The following RARB variants were observed in gnomAD, a reference collection of about 807,000 sequenced individuals.
RARB encodes HBV-activated protein.
In RARB, 17 loss-of-function variants were observed where a neutral mutation model predicts 51.9. The ratio of observed to expected loss-of-function variants is 0.33; its 90% CI spans 0.22 to 0.49. The LOEUF (loss-of-function observed/expected upper bound fraction) is 0.49, where lower values mean the gene tolerates loss of function less well. Ranked by LOEUF, RARB falls within the 20% of genes least tolerant of loss-of-function variation. The pLI is 0.99. For missense variants in RARB, 369 were observed against 550.8 expected, an observed-to-expected ratio of 0.67 and a Z score of 3.30; for synonymous variants, 215 against 195.4, an observed-to-expected ratio of 1.10 and a Z score of -0.84.
intron 1 of RARB, among the ~76,000 whole-genome samples, chr3:25,449,198 C>A (rs548778926): frequency 6.6e-6 from 1 of 151,970 alleles, no homozygotes; most frequent in Non-Finnish European, 1.5e-5. Context: ...AGCCACACGC[C>A]GTTGGACTGC....
At chr3:24,866,536 G>A (rs1272596029) in intron 2 of RARB, among the ~76,000 whole-genome samples, 2 of 152,074 alleles carry the variant, frequency 1.3e-5, no homozygotes, top group South Asian at 4.1e-4. Flanking sequence ...AGGCTTCGTG[G>A]GGGGAATGGG....
intron 3 of RARB, among the ~76,000 whole-genome samples, chr3:25,082,791 G>A (rs756462555): frequency 2.6e-5 from 4 of 151,896 alleles, no homozygotes; most frequent in Non-Finnish European, 5.9e-5. Flanking sequence ...TTTCTCTGCT[G>A]TTTCCAATAA....
chr3:25,551,127 A>G (rs191292090), intron 3 of RARB, among the ~76,000 whole-genome samples: 2 of 152,222 alleles, frequency 1.3e-5, no homozygotes, highest in East Asian at 3.9e-4. Context: ...TTAGCAGAGT[A>G]GTTAGGATGG....
rs117201599 is a variant in RARB at position 25,121,924 on chromosome 3, A to G, written c.-327-10237A>G. On this transcript the variant is annotated intron_variant, in intron 3 of 11. Transcript: ENST00000383772. ...GTCACGTTCTTCTACTTTCTTCCTC[A>G]TTCTTCCTTGTATATCTTAGTTCAG... 4.3e-3 allele frequency among the ~76,000 whole-genome samples: 653 copies of G among 152,186 alleles called. 9 individuals carry two copies. The highest frequency in any genetic ancestry group is 0.024 in the East Asian group (126 of 5,162).
intron 5 of RARB, among the ~76,000 whole-genome samples, chr3:25,320,490 T>A (rs372310955): frequency 6.6e-6 from 1 of 152,200 alleles, no homozygotes; most frequent in African/African-American, 2.4e-5. Context: ...GAGAGGCCTG[T>A]CTGCCCTGAC....
chr3:25,176,939 A>G (rs894857788), intron 5 of RARB, among the ~76,000 whole-genome samples: 1 of 152,198 alleles, frequency 6.6e-6, no homozygotes, highest in African/African-American at 2.4e-5. Context: ...GAGGGTTTGA[A>G]GTTCAAAAAA....
intron 2 of RARB, among the ~76,000 whole-genome samples, chr3:24,961,897 C>T (rs759964471): frequency 3.4e-5 from 5 of 147,778 alleles, no homozygotes; most frequent in Non-Finnish European, 4.5e-5. Context: ...GCCATACAAA[C>T]CTTAGTGTTC....
chr3:25,191,184 G>A (rs1701095502), intron 5 of RARB, among the ~76,000 whole-genome samples: 1 of 152,068 alleles, frequency 6.6e-6, no homozygotes, highest in Non-Finnish European at 1.5e-5. Flanking sequence ...AAAACCCCAA[G>A]CAAACATATT....
chr3:25,260,346 T>A (rs1702968125), intron 5 of RARB, among the ~76,000 whole-genome samples: 1 of 152,106 alleles, frequency 6.6e-6, no homozygotes, highest in Non-Finnish European at 1.5e-5. Context: ...AATAAAGAAT[T>A]CCTAAAAGAG....
At chr3:25,357,583 G>A (rs906841814) in intron 5 of RARB, among the ~76,000 whole-genome samples, 1 of 152,096 alleles carries the variant, frequency 6.6e-6, no homozygotes, top group African/African-American at 2.4e-5. Flanking sequence ...TGAAGTATTT[G>A]CCCATGCCTA....
intron 5 of RARB, among the ~76,000 whole-genome samples, chr3:25,588,220 C>A (rs1272746112): frequency 6.6e-6 from 1 of 152,178 alleles, no homozygotes; most frequent in Non-Finnish European, 1.5e-5. Context: ...ATGGGTGAAT[C>A]ACACAGAGAA....
intron 2 of RARB, among the ~76,000 whole-genome samples, chr3:24,860,656 C>G (rs1216337696): frequency 6.6e-6 from 1 of 152,146 alleles, no homozygotes; most frequent in Non-Finnish European, 1.5e-5. Context: ...GAGAGCATTG[C>G]ATGCAGTCTT....
chr3:25,549,740 G>C (rs537660504), intron 3 of RARB, among the ~76,000 whole-genome samples: 1 of 152,218 alleles, frequency 6.6e-6, no homozygotes, highest in African/African-American at 2.4e-5. Flanking sequence ...TGAGAAAAAG[G>C]AAAGTCATAG....
chr3:25,459,747 A>G (rs1260303975), intron 1 of RARB, among the ~76,000 whole-genome samples: 1 of 152,228 alleles, frequency 6.6e-6, no homozygotes, highest in East Asian at 1.9e-4. Context: ...AGTCAGGAGA[A>G]TATCTACTCT....
intron 3 of RARB, among the ~76,000 whole-genome samples, chr3:25,126,245 GC>G (rs1243772527): frequency 6.6e-6 from 1 of 151,964 alleles, no homozygotes; most frequent in Admixed American, 6.6e-5. Flanking sequence ...TTACTGGAGA[GC>G]AGTATTTCTG....
intron 2 of RARB, among the ~76,000 whole-genome samples, chr3:25,009,178 T>C (rs1697341521): frequency 1.3e-5 from 2 of 152,090 alleles, no homozygotes; most frequent in African/African-American, 4.8e-5. Context: ...CATTTCTGGC[T>C]AACCAGAAAA....
intron 5 of RARB, among the ~76,000 whole-genome samples, chr3:25,379,777 C>T (rs1377600168): frequency 6.6e-6 from 1 of 152,172 alleles, no homozygotes; most frequent in Non-Finnish European, 1.5e-5. Context: ...TGAGGTATAT[C>T]TCATAGCTAA....
At chr3:24,991,448 A>AAAAAAAAG (rs569915453) in intron 2 of RARB, among the ~76,000 whole-genome samples, 1 of 151,306 alleles carries the variant, frequency 6.6e-6, no homozygotes, top group African/African-American at 2.4e-5. Context: ...TGTCTCAAAA[A>AAAAAAAAG]AAAAAGAAAA....
At chr3:25,290,298 G>A (rs1266881364) in intron 5 of RARB, among the ~76,000 whole-genome samples, 1 of 152,132 alleles carries the variant, frequency 6.6e-6, no homozygotes, top group Non-Finnish European at 1.5e-5. Flanking sequence ...GAGAAGACAA[G>A]ATTAGGACAC....
Sources: allele counts gnomAD v4.1 joint callset (sites outside exome capture counted in the v4.1 genomes callset), GRCh38; gene constraint gnomAD v4.1.1; transcripts MANE v1.5; gene names NCBI Gene and HGNC (gene_info 2026-07-23, HGNC 2026-07-21).